The following PKIB variants were observed in gnomAD, a reference collection of about 807,000 sequenced individuals.
PKIB encodes the protein PKI-beta.
PKIB carries 2 observed loss-of-function variants against 4.5 expected under a neutral mutation model. The ratio of observed to expected loss-of-function variants is 0.44; its 90% CI spans 0.18 to 1.39. PKIB has a LOEUF of 1.39. Among genes scored for constraint, PKIB ranks in the 40% most tolerant of loss-of-function variants. PKIB has a pLI of 0.27. For missense variants in PKIB, 94 were observed against 92.6 expected, an observed-to-expected ratio of 1.02 and a Z score of -0.06; for synonymous variants, 38 against 36.0, an observed-to-expected ratio of 1.06 and a Z score of -0.20.
Position 122,725,304 on chromosome 6 carries a change from T to A in PKIB, c.*109T>A, listed in dbSNP as rs1779913053. 3.6e-6 allele frequency: 3 copies of A among 826,704 alleles called. No homozygotes were observed. The highest frequency in any genetic ancestry group is 5.8e-6 in the Non-Finnish European group (3 of 514,704). The allele number at this position is 826,704 out of a possible 1,614,324, so 51.2% of individuals were successfully genotyped here. A position where few individuals can be genotyped will look rare whatever the true frequency, so the allele number is the denominator to read the frequency against. On this transcript the variant is annotated 3_prime_UTR_variant, in exon 5 of 5. Transcript: ENST00000368452. ...GGTAACTGTGGTAACATTGCAGCCC[T>A]AAGCAGCATGTGTATATTAGATAAT...
intron 2 of PKIB, among the ~76,000 whole-genome samples, chr6:122,562,869 T>C (rs536699528): frequency 6.6e-6 from 1 of 152,164 alleles, no homozygotes. Context: ...ACTTCTGGTA[T>C]CATTTTTTTT....
At chr6:122,495,319 A>C (rs1776046957) in intron 2 of PKIB, among the ~76,000 whole-genome samples, 2 of 151,938 alleles carry the variant, frequency 1.3e-5, no homozygotes, top group African/African-American at 4.8e-5. Context: ...CCTCGGTGGA[A>C]GGCCCATAGC....
At chr6:122,514,290 C>T (rs1166819651) in intron 2 of PKIB, among the ~76,000 whole-genome samples, 1 of 152,050 alleles carries the variant, frequency 6.6e-6, no homozygotes, top group Non-Finnish European at 1.5e-5. Flanking sequence ...TCCCTGTATG[C>T]CTGGAAAAAA....
chr6:122,555,631 C>T (rs1241728783), intron 2 of PKIB, among the ~76,000 whole-genome samples: 1 of 152,158 alleles, frequency 6.6e-6, no homozygotes, highest in Non-Finnish European at 1.5e-5. Context: ...GGGATAATCT[C>T]ATATCCTAAT....
intron 2 of PKIB, among the ~76,000 whole-genome samples, chr6:122,583,425 A>G (rs1773761529): frequency 6.6e-6 from 1 of 152,108 alleles, no homozygotes; most frequent in African/African-American, 2.4e-5. Context: ...AATAAGATAC[A>G]TATTAAAGGT....
chr6:122,589,679 G>A lies in PKIB; in HGVS notation c.-161+3672G>A, dbSNP rs140230271. 3.5e-3 allele frequency among the ~76,000 whole-genome samples: 529 copies of A among 152,288 alleles called. 2 individuals are homozygous for A. The highest frequency in any genetic ancestry group is 6.0e-3 in the Non-Finnish European group (410 of 68,010). On this transcript the variant is annotated intron_variant, in intron 3 of 6. Coordinates refer to the PKIB transcript ENST00000392491. ...AGGGGCAAGGAGAGAATATGCAGATGTGGGAAAAGAGGTTGTCATTCTAGG... is the reference window on the plus strand; with the variant it reads ...AGGGGCAAGGAGAGAATATGCAGATATGGGAAAAGAGGTTGTCATTCTAGG...
intron 2 of PKIB, among the ~76,000 whole-genome samples, chr6:122,511,503 G>C (rs1294076542): frequency 1.3e-5 from 2 of 152,122 alleles, no homozygotes; most frequent in African/African-American, 4.8e-5. Flanking sequence ...ACACTTGAGC[G>C]TTTCTTCACT....
intron 3 of PKIB, among the ~76,000 whole-genome samples, chr6:122,589,098 G>C (rs1436067158): frequency 6.6e-6 from 1 of 152,042 alleles, no homozygotes; most frequent in Non-Finnish European, 1.5e-5. Context: ...CCACAACCTA[G>C]AAATTTTACT....
chr6:122,660,023 A>C (rs1461445268), intron 2 of PKIB, among the ~76,000 whole-genome samples: 2 of 152,222 alleles, frequency 1.3e-5, no homozygotes, highest in African/African-American at 4.8e-5. Flanking sequence ...ACGAAAATTA[A>C]TTATCTACTT....
At chr6:122,688,760 T>G (rs1168664195) in intron 3 of PKIB, among the ~76,000 whole-genome samples, 4 of 151,084 alleles carry the variant, frequency 2.6e-5, no homozygotes, top group African/African-American at 7.3e-5. Flanking sequence ...TAGTTACTTA[T>G]AGTAGCCACT....
intron 3 of PKIB, among the ~76,000 whole-genome samples, chr6:122,603,935 T>C (rs1228666683): frequency 6.6e-6 from 1 of 152,232 alleles, no homozygotes; most frequent in African/African-American, 2.4e-5. Context: ...TCCTGTTGAA[T>C]GGAGAAGAGA....
chr6:122,528,701 G>A (rs1777166498), intron 2 of PKIB, among the ~76,000 whole-genome samples: 1 of 152,070 alleles, frequency 6.6e-6, no homozygotes, highest in Non-Finnish European at 1.5e-5. Context: ...AGATTAGCTT[G>A]GGCAACATAG....
At chr6:122,517,484 C>T (rs1050621725) in intron 2 of PKIB, among the ~76,000 whole-genome samples, 31 of 152,222 alleles carry the variant, frequency 2.0e-4, no homozygotes, top group African/African-American at 6.7e-4. Context: ...ATGTTTTCTG[C>T]GAAAGTCCAG....
chr6:122,652,334 G>GTGTGTGT lies in PKIB; in HGVS notation c.-76+18967_-76+18968insTGTGTGT, dbSNP rs1264393970. On this transcript the variant is annotated intron_variant, in intron 2 of 4. Transcript: ENST00000368452. Reference sequence around the variant, plus strand: ...TGTGTGTGTGTGTGTGTGTGTGTGTGGAGAGAGAGAGATTTATTGAAAAGA... The same window carrying GTGTGTGT: ...TGTGTGTGTGTGTGTGTGTGTGTGTGTGTGTGTGAGAGAGAGAGATTTATTGAAAAGA... Among the ~76,000 whole-genome samples the GTGTGTGT allele has an allele frequency of 2.6e-4, 15 of 57,672 alleles. No individual in the cohort carries two copies. In the South Asian group the frequency reaches 0.013, roughly 50 times the overall value. 37.8% of individuals were successfully genotyped at this position (57,672 alleles called of 152,430 possible). A position where few individuals can be genotyped will look rare whatever the true frequency, so the allele number is the denominator to read the frequency against.
intron 2 of PKIB, among the ~76,000 whole-genome samples, chr6:122,537,950 G>A (rs1175271479): frequency 1.3e-5 from 2 of 151,904 alleles, no homozygotes; most frequent in African/African-American, 4.8e-5. Context: ...ATTTTTTCAT[G>A]TGTTTTTTGG....
At chr6:122,663,780 T>G (rs1324278746) in intron 2 of PKIB, among the ~76,000 whole-genome samples, 1 of 152,190 alleles carries the variant, frequency 6.6e-6, no homozygotes, top group African/African-American at 2.4e-5. Context: ...AAGACCTTAT[T>G]TCCAAATAAC....
At chr6:122,517,309 T>C (rs1463381992) in intron 2 of PKIB, among the ~76,000 whole-genome samples, 1 of 152,220 alleles carries the variant, frequency 6.6e-6, no homozygotes, top group East Asian at 1.9e-4. Context: ...TTTTGACTTA[T>C]ATTAAAGAGA....
At chr6:122,671,784 C>A (rs1244152694) in intron 2 of PKIB, among the ~76,000 whole-genome samples, 1 of 152,142 alleles carries the variant, frequency 6.6e-6, no homozygotes, top group African/African-American at 2.4e-5. Context: ...AGCTTTTGGG[C>A]ACCCCCTGAA....
At chr6:122,614,956 G>A (rs1582739809) in intron 1 of PKIB, among the ~76,000 whole-genome samples, 1 of 152,068 alleles carries the variant, frequency 6.6e-6, no homozygotes, top group South Asian at 2.1e-4. Context: ...GCTGAAATAA[G>A]CCCTACTTTT....
Sources: allele counts gnomAD v4.1 joint callset (sites outside exome capture counted in the v4.1 genomes callset), GRCh38; gene constraint gnomAD v4.1.1; transcripts MANE v1.5; gene names NCBI Gene and HGNC (gene_info 2026-07-23, HGNC 2026-07-21).